IQCH: variants seen among roughly 807,000 people sequenced by gnomAD.
The protein encoded by IQCH is IQ domain-containing protein H.
In IQCH, 98 loss-of-function variants were observed where a neutral mutation model predicts 117.0. The observed-to-expected ratio is 0.84, with a 90% CI of 0.71 to 0.99. The LOEUF (loss-of-function observed/expected upper bound fraction) is 0.99. Among genes scored for constraint, IQCH ranks in the 50% least tolerant of loss-of-function variants. The pLI is 0.00. For synonymous variants in IQCH, 412 were observed against 448.2 expected, an observed-to-expected ratio of 0.92 and a Z score of 1.02; for missense variants, 1,102 against 1,243.8, an observed-to-expected ratio of 0.89 and a Z score of 1.72.
At chr15:67,337,176 G>T (rs1050616412) in intron 5 of IQCH, 81 bp downstream of exon 5, 2 of 1,508,414 alleles carry the variant, frequency 1.3e-6, no homozygotes, top group Admixed American at 3.6e-5. Context: ...CCTGAATTTG[G>T]ACTCTGGCTC....
Position 67,276,528 on chromosome 15 carries a change from G to A in IQCH, c.270-2867G>A, listed in dbSNP as rs528960304. On this transcript the variant is annotated intron_variant, in intron 3 of 20. Transcript: ENST00000335894. ...AATGGTTCTTGCAAGACAGATCTCA[G>A]GCAACAAATTCTCTTAGTTGTTATT... Among the ~76,000 whole-genome samples the A allele has an allele frequency of 8.0e-4, 121 of 152,124 alleles. 1 individual carries two copies. Among genetic ancestry groups the A allele is most frequent in the African/African-American group, 2.9e-3 (120 of 41,486 alleles).
chr15:67,256,021 C>T (rs1056954373), intron 1 of IQCH, among the ~76,000 whole-genome samples: 1 of 152,178 alleles, frequency 6.6e-6, no homozygotes, highest in Non-Finnish European at 1.5e-5. Context: ...GTCCCCAGAA[C>T]CACCTCACTT....
chr15:67,280,178 G>A (rs1966294372), intron 4 of IQCH, among the ~76,000 whole-genome samples: 1 of 152,204 alleles, frequency 6.6e-6, no homozygotes, highest in South Asian at 2.1e-4. Flanking sequence ...TTTCAGATAT[G>A]TTCATGGCAT....
At chr15:67,420,361 C>T (rs955558622) in intron 15 of IQCH, among the ~76,000 whole-genome samples, 2 of 152,126 alleles carry the variant, frequency 1.3e-5, no homozygotes, top group East Asian at 1.9e-4. Flanking sequence ...TTCTCCCAGC[C>T]CCCAGCAAAT....
intron 10 of IQCH, among the ~76,000 whole-genome samples, chr15:67,375,587 G>T (rs972465274): frequency 6.6e-6 from 1 of 152,090 alleles, no homozygotes. Flanking sequence ...CTTCCCTAAT[G>T]TAGCAATTTT....
At chr15:67,345,472 G>T (rs909095452) in intron 6 of IQCH, among the ~76,000 whole-genome samples, 2 of 152,086 alleles carry the variant, frequency 1.3e-5, no homozygotes, top group African/African-American at 4.8e-5. Flanking sequence ...AATGACCAAG[G>T]ATAATATCAT....
At chr15:67,318,948 C>T (rs1036436687) in intron 4 of IQCH, among the ~76,000 whole-genome samples, 4 of 152,094 alleles carry the variant, frequency 2.6e-5, no homozygotes, top group Admixed American at 6.6e-5. Flanking sequence ...AAATTAGGGC[C>T]GGGTGTGGAG....
rs1197947575 is a variant in IQCH, at chr15:67,500,068, A to G, written c.2971-565A>G. Among the ~76,000 whole-genome samples the G allele has an allele frequency of 6.6e-6, 1 of 152,162 alleles. No individual in the cohort carries two copies. The highest frequency in any genetic ancestry group is 2.4e-5 in the African/African-American group (1 of 41,460). On this transcript the variant is annotated intron_variant, in intron 20 of 20. Coordinates refer to ENST00000335894, the MANE Select transcript of IQCH (RefSeq NM_001031715.3). This position sits in a 1 kb window ranked among gnomAD's most constrained non-coding sequence, Gnocchi z 4.4. ...AGCGATGGTTACTTGCAAATATACT[A>G]AAAACCACTGAATTGTATACTTTAT...
chr15:67,321,751 A>G (rs534847577), intron 4 of IQCH, among the ~76,000 whole-genome samples: 12 of 152,278 alleles, frequency 7.9e-5, no homozygotes, highest in African/African-American at 1.9e-4. Flanking sequence ...GAATCAACCA[A>G]TCTCAGCTTT....
chr15:67,489,606 G>A (rs1296201176), intron 18 of IQCH, among the ~76,000 whole-genome samples: 2 of 151,988 alleles, frequency 1.3e-5, no homozygotes, highest in Admixed American at 6.6e-5. Context: ...GTGAGTCACC[G>A]TGCCCAGCCT....
rs1020731557 is a variant in IQCH, at chr15:67,279,426, T to C, written c.301T>C (p.Phe101Leu). The change falls in exon 4 of 21, where the codon TTT becomes CTT. Residue 101 changes from phenylalanine to leucine, a missense_variant. Coordinates refer to ENST00000335894, the MANE Select transcript of IQCH (RefSeq NM_001031715.3). The stretch of plus-strand genomic sequence containing the variant: ...TCCAACTGTAATTGATCAGAAATCA[T>C]TTATTTTCCCTCAGGAATCTGAGGG... ...LLPTVIDQKS[F>L]IFPQESEGTF... 13 of 1,603,516 alleles carry C rather than the reference T, an allele frequency of 8.1e-6. 1 individual carries two copies. The highest frequency in any genetic ancestry group is 3.4e-5 in the Admixed American group (2 of 59,502).
chr15:67,464,555 G>T (rs1047089854), intron 16 of IQCH, among the ~76,000 whole-genome samples: 2 of 152,152 alleles, frequency 1.3e-5, no homozygotes, highest in African/African-American at 2.4e-5. Flanking sequence ...CTGTGACATT[G>T]TAGGACTGGT....
intron 18 of IQCH, among the ~76,000 whole-genome samples, chr15:67,478,794 G>A (rs990583168): frequency 6.6e-6 from 1 of 151,844 alleles, no homozygotes; most frequent in African/African-American, 2.4e-5. Context: ...TGTGTTGGCA[G>A]GCGCCTGTAA....
At chr15:67,325,094 A>G (rs1053635845) in intron 4 of IQCH, among the ~76,000 whole-genome samples, 1 of 152,124 alleles carries the variant, frequency 6.6e-6, no homozygotes, top group Non-Finnish European at 1.5e-5. Flanking sequence ...CTGAAGAACC[A>G]TTATGTAAAA....
chr15:67,298,848 A>G (rs113122047), intron 4 of IQCH, among the ~76,000 whole-genome samples: 6,000 of 152,228 alleles, frequency 0.039, 215 homozygotes, highest in South Asian at 0.17. Flanking sequence ...CCTGGGTGAC[A>G]GAGCAATAAT....
At chr15:67,347,950 T>C (rs992492387) in intron 6 of IQCH, among the ~76,000 whole-genome samples, 2 of 150,102 alleles carry the variant, frequency 1.3e-5, no homozygotes, top group African/African-American at 4.9e-5. Flanking sequence ...CATGTGGGGT[T>C]TATCCTAGGA....
At position 67,475,937 on chromosome 15, in the gene IQCH, G is replaced by A; in HGVS notation, c.2799+119G>A. On this transcript the variant is annotated intron_variant, in intron 18 of 20. Coordinates refer to ENST00000335894, the MANE Select transcript of IQCH (RefSeq NM_001031715.3). This position sits in a 1 kb window ranked among gnomAD's most constrained non-coding sequence, Gnocchi z 5.7. ...CTTTAAATACCGGTTTGACGTGTCT[G>A]TAGAGGAAGGCTGATTGCTGCTTGG... is the stretch of plus-strand genomic sequence containing the variant. 2.4e-6 allele frequency: 2 copies of A among 849,416 alleles called. No individual in the cohort carries two copies. Among genetic ancestry groups the A allele is most frequent in the Admixed American group, 2.5e-5 (1 of 40,234 alleles). The allele number at this position is 849,416 out of a possible 1,614,324, so 52.6% of individuals were successfully genotyped here.
Position 67,359,094 on chromosome 15 carries a change from G to C in IQCH, c.715-753G>C, listed in dbSNP as rs993697392. Among the ~76,000 whole-genome samples the C allele has an allele frequency of 1.3e-5, 2 of 152,168 alleles. No individual in the cohort carries two copies. Among genetic ancestry groups the C allele is most frequent in the Non-Finnish European group, 2.9e-5 (2 of 68,024 alleles). On this transcript the variant is annotated intron_variant, in intron 7 of 20. Coordinates refer to ENST00000335894, the MANE Select transcript of IQCH (RefSeq NM_001031715.3). This position sits in a 1 kb window ranked among gnomAD's most constrained non-coding sequence, Gnocchi z 4.5. Reference sequence around the variant, plus strand: ...TTAACAGGCTGTGAGAAGGCCATGGGCTAATATGCATAATAGGAACAGGCG... The same window carrying C: ...TTAACAGGCTGTGAGAAGGCCATGGCCTAATATGCATAATAGGAACAGGCG...
In IQCH at chr15:67,400,292, AG is replaced by A. The variant is rs1477888594; in HGVS notation, c.2085del (p.Lys696AsnfsTer9). 6.2e-7 allele frequency: 1 copy of A among 1,612,876 alleles called. No homozygotes were observed. Among genetic ancestry groups the A allele is most frequent in the Non-Finnish European group, 8.5e-7 (1 of 1,179,004 alleles). On this transcript the variant is annotated frameshift_variant, in exon 14 of 21. Coordinates refer to ENST00000335894, the MANE Select transcript of IQCH (RefSeq NM_001031715.3). LOFTEE classifies it high-confidence loss of function. The part of the protein sequence containing the change: ...SSRYGLEDWR[K>X]KWAQEPALVK... ...AGATATGGCCTTGAAGACTGGAGAA[AG>A]AAATGGGCACAAGTGAGTATTCAAT...
Sources: allele counts gnomAD v4.1 joint callset (sites outside exome capture counted in the v4.1 genomes callset), GRCh38; gene constraint gnomAD v4.1.1; non-coding constraint Gnocchi (gnomAD v3.1); transcripts MANE v1.5; gene names NCBI Gene and HGNC (gene_info 2026-07-23, HGNC 2026-07-21).